TMEM117: variants seen among roughly 807,000 people sequenced by gnomAD.
TMEM117 encodes transmembrane protein 117.
TMEM117 carries 27 observed loss-of-function variants against 52.4 expected under a neutral mutation model. That is an observed-to-expected ratio of 0.51 (90% confidence interval 0.38 to 0.71). TMEM117 has a LOEUF of 0.71. Among genes scored for constraint, TMEM117 ranks in the 30% least tolerant of loss-of-function variants. The pLI is 0.00. For missense variants in TMEM117, 556 were observed against 630.5 expected (o/e 0.88, Z 1.26); for synonymous variants, 215 against 206.3 (o/e 1.04, Z -0.36).
chr12:44,254,005 T>A (rs1182781066), intron 5 of TMEM117, among the ~76,000 whole-genome samples: 1 of 143,206 alleles, frequency 7.0e-6, no homozygotes, highest in Non-Finnish European at 1.5e-5. Flanking sequence ...CTTCACCTCA[T>A]TTGACCAAAA....
At chr12:43,816,865 T>C in the TMEM117 span, among the ~76,000 whole-genome samples, 2 of 152,244 alleles carry the variant, frequency 1.3e-5, no homozygotes, top group Non-Finnish European at 2.9e-5. Context: ...CTGATGTATA[T>C]TAATTTTATA....
At chr12:44,253,835 TACACACACACACACACACACACAC>T (rs10565033) in intron 5 of TMEM117, among the ~76,000 whole-genome samples, 1 of 136,260 alleles carries the variant, frequency 7.3e-6, no homozygotes, top group Non-Finnish European at 1.6e-5. Context: ...TGATAATTCC[TACACACACACACACACACACACAC>T]ACACACACAC....
At chr12:44,150,289 G>A (rs1052460904) in intron 4 of TMEM117, among the ~76,000 whole-genome samples, 6 of 152,006 alleles carry the variant, frequency 3.9e-5, no homozygotes, top group African/African-American at 1.5e-4. Context: ...AGTACTCTTG[G>A]GGAATCTGTA....
At chr12:44,080,317 AAGG>A (rs1250376095) in intron 3 of TMEM117, among the ~76,000 whole-genome samples, 1 of 152,142 alleles carries the variant, frequency 6.6e-6, no homozygotes, top group African/African-American at 2.4e-5. Flanking sequence ...TGGCGACAGC[AAGG>A]AGAAGTGCCA....
intron 3 of TMEM117, among the ~76,000 whole-genome samples, chr12:43,990,684 T>G (rs1387728395): frequency 6.6e-6 from 1 of 151,616 alleles, no homozygotes; most frequent in Non-Finnish European, 1.5e-5. Flanking sequence ...TAGCTCATTA[T>G]TTTTTCAGTA....
At chr12:43,878,776 G>T (rs529692941) in intron 2 of TMEM117, among the ~76,000 whole-genome samples, 10 of 152,246 alleles carry the variant, frequency 6.6e-5, no homozygotes, top group African/African-American at 2.4e-4. Context: ...GAACAAAAGT[G>T]AAATAAAAAC....
At chr12:43,969,490 C>A (rs1945545121) in intron 3 of TMEM117, among the ~76,000 whole-genome samples, 1 of 151,500 alleles carries the variant, frequency 6.6e-6, no homozygotes, top group South Asian at 2.1e-4. Flanking sequence ...CCACTGCACT[C>A]CAGCCTGGGC....
chr12:44,251,387 CTGGTATTTA>C (rs1950195665), intron 5 of TMEM117, among the ~76,000 whole-genome samples: 1 of 152,154 alleles, frequency 6.6e-6, no homozygotes, highest in African/African-American at 2.4e-5. Context: ...TTTCAGGACA[CTGGTATTTA>C]AGGCCTCTAA....
rs1480622084 is a variant in TMEM117 at position 44,168,147 on chromosome 12, G to A, written c.510+24523G>A. Among the ~76,000 whole-genome samples, 5 of 152,008 alleles carry A rather than the reference G, an allele frequency of 3.3e-5. No individual in the cohort carries two copies. The South Asian group carries it at 8.3e-4, about 25-fold the overall frequency. On this transcript the variant is annotated intron_variant, in intron 4 of 7. Coordinates refer to ENST00000266534, the MANE Select transcript of TMEM117 (RefSeq NM_032256.3). ...TGCGTGCCTGTAGTCCCAGCTACTC[G>A]GGAGGCTGAGGCAGAAGAATCCTTG...
intron 5 of TMEM117, among the ~76,000 whole-genome samples, chr12:44,254,011 CA>C (rs199912435): frequency 0.016 from 1,432 of 90,044 alleles, 10 homozygotes; most frequent in African/African-American, 0.038. Flanking sequence ...CTCATTTGAC[CA>C]AAAAAAAAAA....
chr12:44,142,131 C>G (rs1948579738), intron 3 of TMEM117, among the ~76,000 whole-genome samples: 1 of 152,128 alleles, frequency 6.6e-6, no homozygotes, highest in Non-Finnish European at 1.5e-5. Context: ...ATCTCAATTT[C>G]ATATTGTGAA....
chr12:43,963,196 T>G (rs1442765639), intron 3 of TMEM117, among the ~76,000 whole-genome samples: 5 of 150,268 alleles, frequency 3.3e-5, no homozygotes, highest in Non-Finnish European at 7.4e-5. Flanking sequence ...ATATTTTAAA[T>G]ATATTACTTA....
At chr12:44,387,253 G>C (rs1032943494) in intron 7 of TMEM117, among the ~76,000 whole-genome samples, 1 of 151,540 alleles carries the variant, frequency 6.6e-6, no homozygotes, top group Non-Finnish European at 1.5e-5. Flanking sequence ...TAGTATACCT[G>C]AAAAGTTTTT....
At chr12:43,805,085 A>T in the TMEM117 span, among the ~76,000 whole-genome samples, 7 of 152,358 alleles carry the variant, frequency 4.6e-5, no homozygotes, top group South Asian at 1.0e-3. Flanking sequence ...TATTTTTCTA[A>T]CTTGCATTTC....
At chr12:44,104,026 G>A (rs1243574815) in intron 3 of TMEM117, among the ~76,000 whole-genome samples, 1 of 151,964 alleles carries the variant, frequency 6.6e-6, no homozygotes, top group South Asian at 2.1e-4. Flanking sequence ...AATAAGAAGA[G>A]TGAAATTGGC....
intron 2 of TMEM117, among the ~76,000 whole-genome samples, chr12:43,865,511 G>C (rs938599005): frequency 6.6e-6 from 1 of 151,882 alleles, no homozygotes; most frequent in Non-Finnish European, 1.5e-5. Context: ...AGCCTGGCCA[G>C]CATCATGAAA....
intron 4 of TMEM117, among the ~76,000 whole-genome samples, chr12:44,199,108 A>C (rs1308682035): frequency 6.6e-6 from 1 of 151,790 alleles, no homozygotes; most frequent in Non-Finnish European, 1.5e-5. Flanking sequence ...GTGTCTCATC[A>C]CTCCTAGCCA....
chr12:43,857,798 G>A (rs1943426060), intron 2 of TMEM117, among the ~76,000 whole-genome samples: 1 of 152,000 alleles, frequency 6.6e-6, no homozygotes, highest in South Asian at 2.1e-4. Context: ...ATTTTCACTG[G>A]GTTTAAAATA....
At chr12:44,331,492 G>A (rs2138725178) in intron 6 of TMEM117, among the ~76,000 whole-genome samples, 1 of 152,052 alleles carries the variant, frequency 6.6e-6, no homozygotes, top group South Asian at 2.1e-4. Context: ...TCTGTGCACA[G>A]CCTCCACACT....
Sources: gnomAD v4.1 joint callset for allele counts (sites outside exome capture counted in the v4.1 genomes callset) on GRCh38, gnomAD v4.1.1 for gene constraint, MANE v1.5 for transcripts, NCBI Gene and HGNC (gene_info 2026-07-23, HGNC 2026-07-21) for gene names.